Variants in CRBN observed in about 807,000 individuals in gnomAD.
CRBN encodes the protein cereblon, also known as protein cereblon.
Under a neutral mutation model 62.2 loss-of-function variants are expected in CRBN, and 53 were observed. That is an observed-to-expected ratio of 0.85 (90% confidence interval 0.68 to 1.07). CRBN has a LOEUF of 1.07. Among genes scored for constraint, CRBN ranks in the 50% least tolerant of loss-of-function variants. The probability of loss-of-function intolerance (pLI) is 0.00; values close to 1 mark genes in which losing one functional copy is unlikely to be tolerated. For missense variants in CRBN, 616 were observed against 531.1 expected, an observed-to-expected ratio of 1.16 and a Z score of -1.57; for synonymous variants, 208 against 176.1, an observed-to-expected ratio of 1.18 and a Z score of -1.43.
chr3:3,152,433 AG>A (rs1431199400), intron 10 of CRBN, 22 bp downstream of exon 10: 2 of 1,601,462 alleles, frequency 1.2e-6, no homozygotes, highest in African/African-American at 2.7e-5. Context: ...GAAAAAAAAA[AG>A]CAACCACCAC....
intron 7 of CRBN, 119 bp from the exon 8 acceptor site, chr3:3,154,194 C>T (rs1706772564): frequency 1.5e-6 from 1 of 677,492 alleles, no homozygotes. Flanking sequence ...ACATTTTATA[C>T]AAGTATAAAC....
At chr3:3,156,502 T>C (rs947252881) in intron 5 of CRBN, 1 of 554,026 alleles carries the variant, frequency 1.8e-6, no homozygotes. Flanking sequence ...TTCATTCCTA[T>C]TTAAAAAGGT....
intron 5 of CRBN, among the ~76,000 whole-genome samples, chr3:3,166,093 T>C (rs919554505): frequency 6.6e-6 from 1 of 152,146 alleles, no homozygotes; most frequent in African/African-American, 2.4e-5. Flanking sequence ...GAAGAAAGTA[T>C]TGCACGGTGA....
intron 10 of CRBN, 63 bp downstream of exon 10, chr3:3,152,393 G>A: frequency 1.3e-6 from 2 of 1,529,716 alleles, no homozygotes; most frequent in South Asian, 1.2e-5. Context: ...TTAGGACTCT[G>A]GATTTTTCTG....
At chr3:3,155,035 TCTCA>T (rs772450887) in intron 6 of CRBN, 4 of 591,290 alleles carry the variant, frequency 6.8e-6, no homozygotes, top group East Asian at 5.7e-5. Context: ...TCCAGCCTTT[TCTCA>T]CTCACTGTCT....
rs146171840 is a variant in CRBN, at chr3:3,168,930, C to T, written c.528-1137G>A. Among the ~76,000 whole-genome samples the T allele has an allele frequency of 9.5e-3, 1,446 of 152,150 alleles. 15 individuals are homozygous for T. Among genetic ancestry groups the T allele is most frequent in the Non-Finnish European group, 0.015 (1,038 of 67,994 alleles). On this transcript the variant is annotated intron_variant, in intron 4 of 10. Coordinates refer to ENST00000231948, the MANE Select transcript of CRBN (RefSeq NM_016302.4). ...AAGTGTTCTTATATTATTATTAGAG[C>T]TCATTAGAAACAAAATCTCAATTTT...
intron 5 of CRBN, among the ~76,000 whole-genome samples, chr3:3,166,269 A>G (rs1707328070): frequency 6.6e-6 from 1 of 152,154 alleles, no homozygotes; most frequent in African/African-American, 2.4e-5. Context: ...TGATGGTTTT[A>G]AAAATGGGAG....
intron 8 of CRBN, 104 bp downstream of exon 8, chr3:3,153,856 T>C: frequency 1.3e-6 from 1 of 742,502 alleles, no homozygotes; most frequent in South Asian, 1.5e-5. Flanking sequence ...ATTGCATGAC[T>C]ACATTACTGG....
Position 3,154,065 on chromosome 3 carries a change from G to A in CRBN, c.846C>T (p.Tyr282=). The A allele has an allele frequency of 6.2e-7, 1 of 1,608,032 alleles. No homozygotes were observed. Among genetic ancestry groups the A allele is most frequent in the Non-Finnish European group, 8.5e-7 (1 of 1,174,492 alleles). ...SLPSNPIDFS[Y]RVAACLPIDD... ...CAATAGGAAGACAAGCAGCTACTCT[G>A]TAAGAAAAATCTTCAAGACATGGTT... The change falls in exon 8 of 11, where the codon TAC becomes TAT. Residue 282 remains tyrosine, a synonymous_variant. Transcript: ENST00000231948.
intron 9 of CRBN, chr3:3,153,127 G>A (rs1440751321): frequency 2.8e-6 from 1 of 357,338 alleles, no homozygotes; most frequent in African/African-American, 2.1e-5. Context: ...TCTATGTTAG[G>A]GCCTAATTGA....
intron 10 of CRBN, among the ~76,000 whole-genome samples, chr3:3,151,339 C>G (rs1221333872): frequency 6.6e-6 from 1 of 151,752 alleles, no homozygotes; most frequent in Admixed American, 6.6e-5. Flanking sequence ...TTGCCAAGAC[C>G]ACATTCTAAC....
chr3:3,173,168 C>T (rs1326966544), intron 3 of CRBN, among the ~76,000 whole-genome samples: 4 of 152,156 alleles, frequency 2.6e-5, no homozygotes, highest in African/African-American at 9.7e-5. Flanking sequence ...AGTGATTCTC[C>T]TGCCCCAGCT....
intron 5 of CRBN, among the ~76,000 whole-genome samples, chr3:3,164,767 G>A (rs1176739208): frequency 3.3e-5 from 5 of 152,314 alleles, no homozygotes; most frequent in African/African-American, 1.2e-4. Flanking sequence ...CTGTTTTCAT[G>A]CTTGGTAACA....
At chr3:3,170,364 C>A (rs1707554725) in intron 4 of CRBN, among the ~76,000 whole-genome samples, 1 of 152,052 alleles carries the variant, frequency 6.6e-6, no homozygotes, top group Non-Finnish European at 1.5e-5. Context: ...TTTCTATATG[C>A]TTATTTCTCT....
intron 5 of CRBN, among the ~76,000 whole-genome samples, chr3:3,157,579 T>C (rs1706952231): frequency 6.6e-6 from 1 of 152,188 alleles, no homozygotes; most frequent in South Asian, 2.1e-4. Flanking sequence ...CTAGGTATGT[T>C]TCATACCTAG....
intron 5 of CRBN, among the ~76,000 whole-genome samples, chr3:3,160,681 A>G (rs1707103340): frequency 6.6e-6 from 1 of 152,368 alleles, no homozygotes; most frequent in Non-Finnish European, 1.5e-5. Flanking sequence ...TCAAGTTCAC[A>G]AGGAAATGTT....
At chr3:3,166,336 T>C (rs1162282270) in intron 5 of CRBN, among the ~76,000 whole-genome samples, 5 of 152,158 alleles carry the variant, frequency 3.3e-5, no homozygotes, top group Non-Finnish European at 7.4e-5. Context: ...TGACTTGCTC[T>C]TCCTTGACTT....
chr3:3,165,569 C>G (rs1441969256), intron 5 of CRBN, among the ~76,000 whole-genome samples: 1 of 152,086 alleles, frequency 6.6e-6, no homozygotes, highest in Non-Finnish European at 1.5e-5. Context: ...TATTTTTTAG[C>G]AATAAAGTAT....
chr3:3,167,524 A>G, intron 5 of CRBN, 110 bp downstream of exon 5: 1 of 1,064,752 alleles, frequency 9.4e-7, no homozygotes, highest in Non-Finnish European at 1.4e-6. Context: ...GAATATTGCC[A>G]TACAAGGTGG....
Sources: allele counts gnomAD v4.1 joint callset (sites outside exome capture counted in the v4.1 genomes callset), GRCh38; gene constraint gnomAD v4.1.1; transcripts MANE v1.5; gene names NCBI Gene and HGNC (gene_info 2026-07-23, HGNC 2026-07-21).